DPP9: variants seen among roughly 807,000 people sequenced by gnomAD.
DPP9 encodes dipeptidyl peptidase 9.
A neutral mutation model predicts 110.7 loss-of-function variants in DPP9; 50 were observed. The observed-to-expected ratio is 0.45, with a 90% CI of 0.36 to 0.57. DPP9 has a LOEUF of 0.57. DPP9 is among the 20% of genes least tolerant of loss of function. The pLI is 0.00. For synonymous variants in DPP9, 561 were observed against 514.4 expected (o/e 1.09, Z -1.23); for missense variants, 1,022 against 1,217.9 (o/e 0.84, Z 2.39).
At position 4,719,959 on chromosome 19, in the gene DPP9, G is replaced by A. The variant is rs1215896140; in HGVS notation, c.-35-18C>T. 1.3e-6 allele frequency: 2 copies of A among 1,548,634 alleles called. No individual in the cohort carries two copies. The highest frequency in any genetic ancestry group is 1.2e-5 in the South Asian group (1 of 84,014). The stretch of plus-strand genomic sequence containing the variant: ...AGGGGTGCCTGCGGGCAAGTGGGAG[G>A]AGAGATCAAAGGGCTGCAACCCCAG... On this transcript the variant is annotated intron_variant, in intron 2 of 21. Coordinates refer to ENST00000262960, the MANE Select transcript of DPP9 (RefSeq NM_139159.5).
At position 4,711,359 on chromosome 19, in the gene DPP9, T is replaced by C. The variant is rs555933353; in HGVS notation, c.313+2722A>G. On this transcript the variant is annotated intron_variant, in intron 4 of 21. Coordinates refer to ENST00000262960, the MANE Select transcript of DPP9 (RefSeq NM_139159.5). The stretch of plus-strand genomic sequence containing the variant: ...AGGTGTCCACATCCTGGGGCTCGGG[T>C]GTGGAGGCTACGTTACACAGAGAGA... 2.0e-5 allele frequency among the ~76,000 whole-genome samples: 3 copies of C among 151,916 alleles called. No individual in the cohort carries two copies. In the East Asian group the frequency reaches 5.8e-4, roughly 29 times the overall value.
chr19:4,700,193 T>G lies in DPP9; in HGVS notation c.1074+23A>C, dbSNP rs772014617. Reference sequence around the variant, plus strand: ...TCCCCGCATCATCTAGTAGATTATCTGGTATGCAGCAGGCCCCCTTACCTT... The same window carrying G: ...TCCCCGCATCATCTAGTAGATTATCGGGTATGCAGCAGGCCCCCTTACCTT... On this transcript the variant is annotated intron_variant, in intron 10 of 21. Coordinates refer to ENST00000262960, the MANE Select transcript of DPP9 (RefSeq NM_139159.5). This position sits in a 1 kb window ranked among gnomAD's most constrained non-coding sequence, Gnocchi z 4.3. 5.2e-6 allele frequency: 8 copies of G among 1,535,352 alleles called. No individual in the cohort carries two copies. In the African/African-American group the frequency reaches 5.5e-5, roughly 11 times the overall value.
chr19:4,695,493 G>C lies in DPP9; in HGVS notation c.1238C>G (p.Ala413Gly). 1 of 1,562,382 alleles carries C rather than the reference G, an allele frequency of 6.4e-7. No individual in the cohort carries two copies. Among genetic ancestry groups the C allele is most frequent in the East Asian group, 2.4e-5 (1 of 42,162 alleles). The change falls in exon 12 of 22, where the codon GCC (alanine) becomes GGC (glycine). Residue 413 changes from alanine to glycine, a missense_variant. Coordinates refer to ENST00000262960, the MANE Select transcript of DPP9 (RefSeq NM_139159.5). The surrounding 1 kb of genome is among the most constrained non-coding windows in gnomAD (Gnocchi z 4.7). The stretch of plus-strand genomic sequence containing the variant: ...ATTCTCTGTGCTCGGGATGAACAGG[G>C]CCGGGGGGAGGAGGACGAGCTGGAG... The part of the protein sequence containing the change: ...QWLQLVLLPP[A>G]LFIPSTENEE...
chr19:4,720,057 G>A (rs1050711410), intron 2 of DPP9, 116 bp from the exon 3 acceptor site: 365 of 862,276 alleles, frequency 4.2e-4, no homozygotes, highest in Middle Eastern at 1.6e-3. Context: ...AAGCCTCCGG[G>A]GAGCACCCTG....
In DPP9 at chr19:4,698,206, T is replaced by C. The variant is rs373328876; in HGVS notation, c.1075-555A>G. 6.6e-6 allele frequency among the ~76,000 whole-genome samples: 1 copy of C among 152,182 alleles called. No homozygotes were observed. The highest frequency in any genetic ancestry group is 1.9e-4 in the East Asian group (1 of 5,194). On this transcript the variant is annotated intron_variant, in intron 10 of 21. Coordinates refer to ENST00000262960, the MANE Select transcript of DPP9 (RefSeq NM_139159.5). The surrounding 1 kb of genome is among the most constrained non-coding windows in gnomAD (Gnocchi z 4.2). Reference sequence around the variant, plus strand: ...CAAGCACAGTCCCCGGACCCAGGGCTTCCCCATGCTTAAACAGGGCTGGCA... The same window carrying C: ...CAAGCACAGTCCCCGGACCCAGGGCCTCCCCATGCTTAAACAGGGCTGGCA...
chr19:4,684,621 C>G lies in DPP9; in HGVS notation c.2178+42G>C, dbSNP rs764843293. ...ACCCACACGGCCCAGGGCTCCCTTC[C>G]CGAGACCCAAAGGACCCAGAGCAAC... On this transcript the variant is annotated intron_variant, in intron 18 of 21. Transcript: ENST00000262960. This position sits in a 1 kb window ranked among gnomAD's most constrained non-coding sequence, Gnocchi z 4.8. 1 of 1,608,790 alleles carries G rather than the reference C, an allele frequency of 6.2e-7. No individual in the cohort carries two copies.
rs748796278 is a variant in DPP9 at position 4,682,791 on chromosome 19, T to C, written c.2379A>G (p.Thr793=). The change falls in exon 20 of 22, where the codon ACA becomes ACG. Residue 793 remains threonine (T), a synonymous_variant. Coordinates refer to ENST00000262960, the MANE Select transcript of DPP9 (RefSeq NM_139159.5). The surrounding 1 kb of genome is among the most constrained non-coding windows in gnomAD (Gnocchi z 7.1). ...CGTCCATGTAGCGCTCAGTGTACCCTGTGTCGTAGGCCATCCAGACGGTGA... is the reference window on the plus strand; with the variant it reads ...CGTCCATGTAGCGCTCAGTGTACCCCGTGTCGTAGGCCATCCAGACGGTGA... ...APVTVWMAYD[T]GYTERYMDVP... The C allele has an allele frequency of 6.3e-7, 1 of 1,599,496 alleles. No homozygotes were observed. Among genetic ancestry groups the C allele is most frequent in the Admixed American group, 1.7e-5 (1 of 57,598 alleles).
At chr19:4,690,819 GTA>G (rs1191266025) in intron 14 of DPP9, 57 bp downstream of exon 14, 8 of 1,317,200 alleles carry the variant, frequency 6.1e-6, no homozygotes, top group Non-Finnish European at 7.6e-6. Flanking sequence ...GTGTGTGAGT[GTA>G]TGTGTGTAAA....
At position 4,713,120 on chromosome 19, in the gene DPP9, C is replaced by T. The variant is rs754951609; in HGVS notation, c.313+961G>A. Among the ~76,000 whole-genome samples, 16 of 152,326 alleles carry T rather than the reference C, an allele frequency of 1.1e-4. 1 individual carries two copies. The highest frequency in any genetic ancestry group is 2.6e-4 in the African/African-American group (11 of 41,562). ...GCATGGAGTGGGTGGAGGCCAGGAA[C>T]GCTGCTCAGGACCCTGCAGTGGCCG... On this transcript the variant is annotated intron_variant, in intron 4 of 21. Transcript: ENST00000262960.
At position 4,694,396 on chromosome 19, in the gene DPP9, G is replaced by A. The variant is rs887518553; in HGVS notation, c.1516+265C>T. 1.1e-5 allele frequency: 6 copies of A among 532,346 alleles called. No homozygotes were observed. Among genetic ancestry groups the A allele is most frequent in the Admixed American group, 3.4e-5 (1 of 29,756 alleles). 33.0% of individuals were successfully genotyped at this position (532,346 alleles called of 1,614,324 possible). ...GTGGGCCGGATTTGACCTGTGGGCC[G>A]TAGGTGGCCAACCCCTGGTTGTGCT... On this transcript the variant is annotated intron_variant, in intron 13 of 21. Transcript: ENST00000262960. The surrounding 1 kb of genome is among the most constrained non-coding windows in gnomAD (Gnocchi z 4.0).
In DPP9 at chr19:4,676,752, C is replaced by G. The variant is rs182539615; in HGVS notation, c.2587-96G>C. 42 of 1,008,526 alleles carry G rather than the reference C, an allele frequency of 4.2e-5. No homozygotes were observed. In the East Asian group the frequency reaches 1.1e-3, roughly 26 times the overall value. The allele number at this position is 1,008,526 out of a possible 1,614,324, so 62.5% of individuals were successfully genotyped here. On this transcript the variant is annotated intron_variant, in intron 21 of 21. Transcript: ENST00000262960. The surrounding 1 kb of genome is among the most constrained non-coding windows in gnomAD (Gnocchi z 4.0). ...TTCTGGCTCAGGGCATCCGGGAAGG[C>G]GCAGGTGCTCTGAGGCCCAGTGATC...
At position 4,707,460 on chromosome 19, in the gene DPP9, T is replaced by C. The variant is rs75191837; in HGVS notation, c.314-1490A>G. 8.9e-3 allele frequency among the ~76,000 whole-genome samples: 1,351 copies of C among 152,110 alleles called. 20 individuals carry two copies. Among genetic ancestry groups the C allele is most frequent in the African/African-American group, 0.03 (1,265 of 41,476 alleles). ...CAGGGCTCCTCCAAGCATAAAGCTG[T>C]CCAGTAGCCCACAAACGTGACATGA... is the stretch of plus-strand genomic sequence containing the variant. On this transcript the variant is annotated intron_variant, in intron 4 of 21. Coordinates refer to ENST00000262960, the MANE Select transcript of DPP9 (RefSeq NM_139159.5).
chr19:4,681,896 T>C (rs1222498248), intron 20 of DPP9, among the ~76,000 whole-genome samples: 1 of 146,340 alleles, frequency 6.8e-6, no homozygotes, highest in African/African-American at 2.6e-5. Flanking sequence ...GCCCAGACTG[T>C]AGTGCAGTGG....
In DPP9 at chr19:4,676,430, C is replaced by T. The variant is rs1405559737; in HGVS notation, c.*134G>A. On this transcript the variant is annotated 3_prime_UTR_variant, in exon 22 of 22. Coordinates refer to ENST00000262960, the MANE Select transcript of DPP9 (RefSeq NM_139159.5). The surrounding 1 kb of genome is among the most constrained non-coding windows in gnomAD (Gnocchi z 4.0). ...CGTCGGGGCGGTGAAGGCAGCGGCT[C>T]CTCGGGGCTGGCCAGCGCTGGGCGG... 38 of 740,158 alleles carry T rather than the reference C, an allele frequency of 5.1e-5. No individual in the cohort carries two copies. The highest frequency in any genetic ancestry group is 7.2e-5 in the Non-Finnish European group (31 of 433,354). 45.8% of individuals were successfully genotyped at this position (740,158 alleles called of 1,614,324 possible).
chr19:4,719,809 G>A, intron 3 of DPP9, 42 bp downstream of exon 3: 1 of 1,550,040 alleles, frequency 6.5e-7, no homozygotes, highest in Non-Finnish European at 8.7e-7. Context: ...CCAGAAGCTG[G>A]GCCACATCCT....
At position 4,695,169 on chromosome 19, in the gene DPP9, T is replaced by G; in HGVS notation, c.1353+209A>C. ...GTCTCTAATTAAAGAAAAAAATAGA[T>G]GAGGGGAGAGGCTCCAATGGCTGCC... On this transcript the variant is annotated intron_variant, in intron 12 of 21. Coordinates refer to ENST00000262960, the MANE Select transcript of DPP9 (RefSeq NM_139159.5). This position sits in a 1 kb window ranked among gnomAD's most constrained non-coding sequence, Gnocchi z 4.7. The G allele has an allele frequency of 1.7e-6, 1 of 583,598 alleles. No individual in the cohort carries two copies. Among genetic ancestry groups the G allele is most frequent in the Non-Finnish European group, 3.0e-6 (1 of 338,174 alleles). 36.2% of individuals were successfully genotyped at this position (583,598 alleles called of 1,614,324 possible).
At chr19:4,683,872 A>T in intron 18 of DPP9, 1 of 1,478,854 alleles carries the variant, frequency 6.8e-7, no homozygotes, top group Non-Finnish European at 9.1e-7. Flanking sequence ...GTCCCCTCTG[A>T]GGGCGTCAGT....
intron 21 of DPP9, chr19:4,679,549 C>A: frequency 2.3e-6 from 1 of 442,782 alleles, no homozygotes; most frequent in Non-Finnish European, 4.1e-6. Context: ...GGTAAGGGTT[C>A]CTCCCTCCAT....
chr19:4,688,699 T>G, intron 16 of DPP9, 58 bp downstream of exon 16: 1 of 1,366,996 alleles, frequency 7.3e-7, no homozygotes, highest in Non-Finnish European at 9.4e-7. Context: ...GGGGCCCTCG[T>G]CCCGTTTTAC....
Sources: gnomAD v4.1 joint callset for allele counts (sites outside exome capture counted in the v4.1 genomes callset) on GRCh38, gnomAD v4.1.1 for gene constraint, Gnocchi (gnomAD v3.1) non-coding constraint, MANE v1.5 for transcripts, NCBI Gene and HGNC (gene_info 2026-07-23, HGNC 2026-07-21) for gene names.